Variants in CLVS2 observed in about 807,000 individuals in gnomAD.
CLVS2 encodes clavesin 2.
In CLVS2, 19 loss-of-function variants were observed where a neutral mutation model predicts 29.0. The ratio of observed to expected loss-of-function variants is 0.66; its 90% confidence interval spans 0.46 to 0.96. The LOEUF (loss-of-function observed/expected upper bound fraction) is 0.96, where lower values mean the gene tolerates loss of function less well. CLVS2 is among the 40% of genes least tolerant of loss of function. CLVS2 has a pLI of 0.00. For missense variants in CLVS2, 294 were observed against 404.1 expected, an observed-to-expected ratio of 0.73 and a Z score of 2.34; for synonymous variants, 161 against 151.3, an observed-to-expected ratio of 1.06 and a Z score of -0.47.
chr6:123,035,152 T>A (rs568332543), intron 3 of CLVS2, among the ~76,000 whole-genome samples: 1 of 152,234 alleles, frequency 6.6e-6, no homozygotes, highest in Admixed American at 6.5e-5. Context: ...TTTGGTCAAA[T>A]CTATGTGGCA....
intron 3 of CLVS2, among the ~76,000 whole-genome samples, chr6:123,039,601 A>G (rs1775200120): frequency 6.6e-6 from 1 of 152,128 alleles, no homozygotes; most frequent in South Asian, 2.1e-4. Context: ...TGTATCAGGC[A>G]CACACCAGCA....
rs1249311891 is a variant in CLVS2, at chr6:123,068,170, A to T, written c.*4409A>T. On this transcript the variant is annotated 3_prime_UTR_variant, in exon 6 of 6. Coordinates refer to ENST00000275162, the MANE Select transcript of CLVS2 (RefSeq NM_001010852.4). Reference sequence around the variant, plus strand: ...TAAGATAACAACTTTGTGGATTGAAACACTCAAATTAGCCTTTTTTTCAAG... The same window carrying T: ...TAAGATAACAACTTTGTGGATTGAATCACTCAAATTAGCCTTTTTTTCAAG... 6.6e-6 allele frequency: 1 copy of T among 151,664 alleles called. No homozygotes were observed. The highest frequency in any genetic ancestry group is 2.4e-5 in the African/African-American group (1 of 41,392). The allele number at this position is 151,664 out of a possible 1,614,324, so 9.4% of individuals were successfully genotyped here.
intron 3 of CLVS2, among the ~76,000 whole-genome samples, chr6:123,016,447 G>A (rs1368418140): frequency 6.6e-6 from 1 of 151,700 alleles, no homozygotes; most frequent in Non-Finnish European, 1.5e-5. Flanking sequence ...CCAATTTATA[G>A]ATGATTTTTA....
rs977111787 is a variant in CLVS2 at position 123,067,527 on chromosome 6, A to G, written c.*3766A>G. 1.3e-5 allele frequency: 2 copies of G among 151,730 alleles called. No individual in the cohort carries two copies. Among genetic ancestry groups the G allele is most frequent in the African/African-American group, 4.8e-5 (2 of 41,394 alleles). The allele number at this position is 151,730 out of a possible 1,614,324, so 9.4% of individuals were successfully genotyped here. ...CTTTTTTTGTGTATATTTATTAATG[A>G]TTACATGAAAAGTTGCCATCAGCCA... On this transcript the variant is annotated 3_prime_UTR_variant, in exon 6 of 6. Transcript: ENST00000275162.
At chr6:123,014,013 A>T (rs370430869) in intron 3 of CLVS2, among the ~76,000 whole-genome samples, 4 of 152,150 alleles carry the variant, frequency 2.6e-5, no homozygotes, top group Non-Finnish European at 5.9e-5. Flanking sequence ...ATGGCTGCAT[A>T]GTATTCCATG....
In CLVS2 at chr6:122,997,787, T is replaced by A. The variant is rs776712989; in HGVS notation, c.10T>A (p.Leu4Met). The A allele has an allele frequency of 6.2e-7, 1 of 1,613,746 alleles. No individual in the cohort carries two copies. The highest frequency in any genetic ancestry group is 1.1e-5 in the South Asian group (1 of 91,044). MTH[L>M]QAGLSPETLE... The stretch of plus-strand genomic sequence containing the variant: ...AGAGATAGGCAGAACAATGACTCAT[T>A]TGCAAGCCGGTCTCTCCCCTGAGAC... Residue 4 changes from leucine to methionine, a missense_variant, in exon 2 of 6, where the codon TTG becomes ATG. Physicochemically the swap from Leu to Met is conservative, Grantham distance 15 (BLOSUM62 2). Around this residue, in one of 2 missense-constraint regions of CLVS2, gnomAD observed 212 missense variants for 336.4 expected, o/e 0.63. Transcript: ENST00000275162.
rs1224191704 is a variant in CLVS2, at chr6:123,068,297, T to C, written c.*4536T>C. On this transcript the variant is annotated 3_prime_UTR_variant, in exon 6 of 6. Coordinates refer to ENST00000275162, the MANE Select transcript of CLVS2 (RefSeq NM_001010852.4). ...ATGCACTCATGGTAAATAATGGAAA[T>C]TGTTAAAATTTAGAAGAGTTTTGTC... The C allele has an allele frequency of 6.6e-6, 1 of 151,628 alleles. No homozygotes were observed. The highest frequency in any genetic ancestry group is 1.9e-4 in the East Asian group (1 of 5,178). 9.4% of individuals were successfully genotyped at this position (151,628 alleles called of 1,614,324 possible).
At chr6:122,997,092 A>T (rs1582639045) in intron 1 of CLVS2, 127 bp from the exon 2 acceptor site, 1 of 153,842 alleles carries the variant, frequency 6.5e-6, no homozygotes, top group East Asian at 1.9e-4. Context: ...ACCTAATTGG[A>T]TCACAATAAT....
intron 4 of CLVS2, among the ~76,000 whole-genome samples, chr6:123,050,797 C>T (rs1050727748): frequency 2.0e-5 from 3 of 152,102 alleles, no homozygotes; most frequent in East Asian, 3.9e-4. Flanking sequence ...GTTACTTGTT[C>T]TGAAATGATT....
intron 3 of CLVS2, among the ~76,000 whole-genome samples, chr6:123,043,001 C>T (rs147795586): frequency 2.0e-5 from 3 of 152,256 alleles, no homozygotes; most frequent in Admixed American, 2.0e-4. Flanking sequence ...TCAAACACAT[C>T]TGAAGGAAGC....
intron 3 of CLVS2, among the ~76,000 whole-genome samples, chr6:123,021,802 A>T (rs967744376): frequency 5.3e-5 from 8 of 152,080 alleles, no homozygotes; most frequent in African/African-American, 1.9e-4. Context: ...GTGTAACTCT[A>T]GGCTCCCCTC....
chr6:123,051,483 G>A (rs747057414), intron 4 of CLVS2, among the ~76,000 whole-genome samples: 1 of 152,104 alleles, frequency 6.6e-6, no homozygotes, highest in Admixed American at 6.6e-5. Flanking sequence ...TGTGAAAAAG[G>A]GGTATCTTTG....
chr6:123,002,242 T>A (rs1774599728), intron 2 of CLVS2, among the ~76,000 whole-genome samples: 2 of 152,166 alleles, frequency 1.3e-5, no homozygotes. Flanking sequence ...ATAGTGGACA[T>A]TGATTACCAC....
intron 3 of CLVS2, among the ~76,000 whole-genome samples, chr6:123,043,505 C>CA: frequency 6.6e-6 from 1 of 151,842 alleles, no homozygotes; most frequent in Admixed American, 6.6e-5. Context: ...CTAAATGTTT[C>CA]AAAAAAGTAC....
At chr6:123,028,700 A>G (rs976154940) in intron 3 of CLVS2, among the ~76,000 whole-genome samples, 1 of 152,138 alleles carries the variant, frequency 6.6e-6, no homozygotes, top group Non-Finnish European at 1.5e-5. Context: ...TTTTTCAAAG[A>G]CAGGCGCCTG....
At chr6:123,027,219 TGAGTA>T (rs1471066852) in intron 3 of CLVS2, among the ~76,000 whole-genome samples, 1 of 152,148 alleles carries the variant, frequency 6.6e-6, no homozygotes, top group Non-Finnish European at 1.5e-5. Context: ...AGTGACATCT[TGAGTA>T]GAGGAACAAA....
intron 4 of CLVS2, among the ~76,000 whole-genome samples, chr6:123,055,474 T>C (rs1185112395): frequency 6.6e-6 from 1 of 152,180 alleles, no homozygotes; most frequent in African/African-American, 2.4e-5. Flanking sequence ...AACACCAGGA[T>C]GATGTACAGA....
rs1446716873 is a variant in CLVS2, at chr6:123,063,884, T to C, written c.*123T>C. 3.4e-6 allele frequency: 2 copies of C among 594,644 alleles called. No individual in the cohort carries two copies. Among genetic ancestry groups the C allele is most frequent in the Non-Finnish European group, 2.9e-6 (1 of 343,820 alleles). 36.8% of individuals were successfully genotyped at this position (594,644 alleles called of 1,614,324 possible). On this transcript the variant is annotated 3_prime_UTR_variant, in exon 6 of 6. Coordinates refer to ENST00000275162, the MANE Select transcript of CLVS2 (RefSeq NM_001010852.4). The stretch of plus-strand genomic sequence containing the variant: ...TTATTCATGTTAATGTAGCATAATA[T>C]ATAACAAGGCATCAGGCTTTCCTTG...
chr6:122,998,670 G>C (rs973866037), intron 2 of CLVS2, among the ~76,000 whole-genome samples: 2 of 152,142 alleles, frequency 1.3e-5, no homozygotes, highest in African/African-American at 2.4e-5. Flanking sequence ...TTTGTTGCTT[G>C]GGAAGTTCTC....
Sources: allele counts gnomAD v4.1 joint callset (sites outside exome capture counted in the v4.1 genomes callset), GRCh38; gene constraint gnomAD v4.1.1; regional missense constraint gnomAD v4.1.1; transcripts MANE v1.5; gene names NCBI Gene and HGNC (gene_info 2026-07-23, HGNC 2026-07-21).